Variants in PACC1 observed in about 807,000 individuals in gnomAD.
PACC1 encodes the protein proton-activated chloride channel.
PACC1 carries 34 observed loss-of-function variants against 39.7 expected under a neutral mutation model. The ratio of observed to expected loss-of-function variants is 0.86; its 90% CI spans 0.65 to 1.14. The LOEUF (loss-of-function observed/expected upper bound fraction) is 1.14, where lower values mean the gene tolerates loss of function less well. PACC1 is among the 50% of genes most tolerant of loss of function. The pLI is 0.00. For synonymous variants in PACC1, 127 were observed against 160.6 expected, an observed-to-expected ratio of 0.79 and a Z score of 1.58; for missense variants, 379 against 436.4, an observed-to-expected ratio of 0.87 and a Z score of 1.17.
In PACC1 at chr1:212,379,901, A is replaced by T; in HGVS notation, c.632T>A (p.Leu211Gln). 2 of 1,614,190 alleles carry T rather than the reference A, an allele frequency of 1.2e-6. No individual in the cohort carries two copies. The highest frequency in any genetic ancestry group is 1.7e-6 in the Non-Finnish European group (2 of 1,180,020). The change falls in exon 5 of 8, where the codon CTG (leucine) becomes CAG (glutamine). Residue 211 changes from leucine to glutamine, a missense_variant. Physicochemically the swap from Leu to Gln is moderately radical, Grantham distance 113 (BLOSUM62 -2). Transcript: ENST00000261455. ...YLLFSSFQEF[L>Q]QSPNRVGFMQ... ...GTGAACTCTAAAAGCCCACCTTTGCAGGAACTCCTGGAAAGAAGAGAAGAG... is the reference window on the plus strand; with the variant it reads ...GTGAACTCTAAAAGCCCACCTTTGCTGGAACTCCTGGAAAGAAGAGAAGAG...
intron 2 of PACC1, chr1:212,387,591 C>G (rs73086411): frequency 6.3e-6 from 1 of 159,230 alleles, no homozygotes; most frequent in South Asian, 1.8e-4. Flanking sequence ...CCCTTCTCAA[C>G]CCGGGATTCC....
intron 2 of PACC1, among the ~76,000 whole-genome samples, chr1:212,394,053 T>C (rs371039455): frequency 0.053 from 8,052 of 151,814 alleles, 320 homozygotes; most frequent in Admixed American, 0.11. Flanking sequence ...TTCCAATCAA[T>C]AGAAAAAGAG....
At chr1:212,406,470 C>T (rs1343305033) in intron 2 of PACC1, among the ~76,000 whole-genome samples, 10 of 152,012 alleles carry the variant, frequency 6.6e-5, no homozygotes, top group African/African-American at 2.2e-4. Flanking sequence ...GAGCCAAGAT[C>T]GTGCCACTGC....
At chr1:212,384,013 G>A (rs1002314336) in intron 4 of PACC1, among the ~76,000 whole-genome samples, 6 of 152,200 alleles carry the variant, frequency 3.9e-5, no homozygotes, top group South Asian at 4.1e-4. Context: ...GCTCTCTAAC[G>A]GTGCTGATTC....
intron 6 of PACC1, 54 bp from the exon 7 acceptor site, chr1:212,375,354 C>T: frequency 7.7e-7 from 1 of 1,293,416 alleles, no homozygotes; most frequent in Non-Finnish European, 1.1e-6. Context: ...CCTTCCCTTG[C>T]CTGTGCCCAG....
intron 2 of PACC1, among the ~76,000 whole-genome samples, chr1:212,407,802 C>T (rs563272326): frequency 2.0e-4 from 31 of 152,080 alleles, no homozygotes; most frequent in Non-Finnish European, 4.3e-4. Flanking sequence ...AGGCCAGGTG[C>T]GGTGGCCCAC....
Position 212,385,374 on chromosome 1 carries a change from T to G in PACC1, c.395A>C (p.Tyr132Ser). Residue 132 changes from tyrosine to serine, a missense_variant, in exon 4 of 8, where the codon TAC (tyrosine) becomes TCC (serine). By Grantham distance (144) the Tyr-to-Ser change is moderately radical. Coordinates refer to ENST00000261455, the MANE Select transcript of PACC1 (RefSeq NM_018252.3). ...QAQLLSCKHH[Y>S]EVIPPLTSPG... ...GCTTGTCAGAGGAGGAATGACCTCGTAATGGTGCTTACAGCTGAGCAACTG... is the reference window on the plus strand; with the variant it reads ...GCTTGTCAGAGGAGGAATGACCTCGGAATGGTGCTTACAGCTGAGCAACTG... 6.2e-7 allele frequency: 1 copy of G among 1,614,034 alleles called. No individual in the cohort carries two copies. Among genetic ancestry groups the G allele is most frequent in the South Asian group, 1.1e-5 (1 of 91,068 alleles).
At chr1:212,377,810 G>A (rs1165979877) in intron 5 of PACC1, 104 bp from the exon 6 acceptor site, 3 of 1,347,000 alleles carry the variant, frequency 2.2e-6, no homozygotes, top group Non-Finnish European at 3.1e-6. Flanking sequence ...CAACCAGGAT[G>A]CTGCCCACTC....
intron 2 of PACC1, among the ~76,000 whole-genome samples, chr1:212,392,122 A>T (rs1661344742): frequency 6.6e-6 from 1 of 152,150 alleles, no homozygotes; most frequent in Non-Finnish European, 1.5e-5. Flanking sequence ...GAGAAGAGCA[A>T]CTCTCAGACA....
At chr1:212,371,135 C>T (rs1660436168) in intron 7 of PACC1, among the ~76,000 whole-genome samples, 1 of 151,024 alleles carries the variant, frequency 6.6e-6, no homozygotes, top group Admixed American at 6.6e-5. Flanking sequence ...ATCCCAGCTA[C>T]CTGGGAGGCT....
intron 2 of PACC1, among the ~76,000 whole-genome samples, chr1:212,406,279 A>G (rs941804221): frequency 6.6e-6 from 1 of 151,916 alleles, no homozygotes; most frequent in Non-Finnish European, 1.5e-5. Context: ...CACTTTGGGA[A>G]GCTGAGGCAG....
At chr1:212,396,734 A>T (rs1014299379) in intron 2 of PACC1, among the ~76,000 whole-genome samples, 4 of 151,386 alleles carry the variant, frequency 2.6e-5, no homozygotes, top group Admixed American at 2.6e-4. Flanking sequence ...CCCGAGGCAA[A>T]TAATAATCAA....
chr1:212,396,651 A>G (rs1428666699), intron 2 of PACC1, among the ~76,000 whole-genome samples: 1 of 151,238 alleles, frequency 6.6e-6, no homozygotes, highest in East Asian at 1.9e-4. Context: ...CTGGAGAAAG[A>G]CAACAACTTA....
chr1:212,367,424 T>C (rs534049380), intron 7 of PACC1, among the ~76,000 whole-genome samples: 69 of 152,258 alleles, frequency 4.5e-4, no homozygotes, highest in African/African-American at 1.4e-3. Context: ...CCAGGCAGAA[T>C]TCTGAGGCCC....
At chr1:212,404,519 G>A (rs1661835620) in intron 2 of PACC1, among the ~76,000 whole-genome samples, 1 of 150,350 alleles carries the variant, frequency 6.7e-6, no homozygotes, top group South Asian at 2.1e-4. Context: ...CCTCTACTTT[G>A]CTCACCAGCC....
intron 1 of PACC1, chr1:212,414,157 G>T: frequency 7.1e-7 from 1 of 1,414,240 alleles, no homozygotes; most frequent in Non-Finnish European, 9.3e-7. Context: ...TGGAGGGAGA[G>T]ACGAAGAGGA....
intron 2 of PACC1, among the ~76,000 whole-genome samples, chr1:212,400,540 G>A (rs562338949): frequency 3.9e-5 from 6 of 151,964 alleles, no homozygotes; most frequent in Non-Finnish European, 8.8e-5. Flanking sequence ...AATAAAAACT[G>A]TAAAACTATT....
intron 2 of PACC1, chr1:212,387,774 C>G (rs1322660736): frequency 6.6e-6 from 1 of 152,526 alleles, no homozygotes; most frequent in Non-Finnish European, 1.5e-5. Flanking sequence ...ATTTTCTTGG[C>G]CAGGCGCAGT....
In PACC1 at chr1:212,364,347, A is replaced by C. The variant is rs1660156686; in HGVS notation, c.*868T>G. The C allele has an allele frequency of 6.6e-6, 1 of 152,200 alleles. No individual in the cohort carries two copies. The highest frequency in any genetic ancestry group is 1.5e-5 in the Non-Finnish European group (1 of 68,034). 9.4% of individuals were successfully genotyped at this position (152,200 alleles called of 1,614,324 possible). A position where few individuals can be genotyped will look rare whatever the true frequency, so the allele number is the denominator to read the frequency against. ...AACAAACCCTTCCCTGGAAGCAGTTAGAACATACCTTGGGAGTCAGATCCA... is the reference window on the plus strand; with the variant it reads ...AACAAACCCTTCCCTGGAAGCAGTTCGAACATACCTTGGGAGTCAGATCCA... On this transcript the variant is annotated 3_prime_UTR_variant, in exon 8 of 8. Coordinates refer to ENST00000261455, the MANE Select transcript of PACC1 (RefSeq NM_018252.3).
Sources: allele counts gnomAD v4.1 joint callset (sites outside exome capture counted in the v4.1 genomes callset), GRCh38; gene constraint gnomAD v4.1.1; transcripts MANE v1.5; gene names NCBI Gene and HGNC (gene_info 2026-07-23, HGNC 2026-07-21).